The following GALNT2 variants were observed in gnomAD, a reference collection of about 807,000 sequenced individuals.
The protein encoded by GALNT2 is UDP-GalNAc:polypeptide N-acetylgalactosaminyltransferase 2.
A neutral mutation model predicts 81.4 loss-of-function variants in GALNT2; 31 were observed. That is an observed-to-expected ratio of 0.38 (90% confidence interval 0.29 to 0.51). The LOEUF is 0.51. GALNT2 is among the 20% of genes least tolerant of loss of function. The probability of loss-of-function intolerance (pLI) is 0.87; values close to 1 mark genes in which losing one functional copy is unlikely to be tolerated. For missense variants in GALNT2, 629 were observed against 765.7 expected (o/e 0.82, Z 2.11); for synonymous variants, 303 against 287.4 (o/e 1.05, Z -0.55).
intron 2 of GALNT2, among the ~76,000 whole-genome samples, chr1:230,182,195 G>GT (rs1012179176): frequency 8.9e-5 from 5 of 56,396 alleles, no homozygotes; most frequent in East Asian, 3.9e-3. Context: ...TTTTGTTTTT[G>GT]TTTTTTTCTG....
chr1:230,279,923 G>A lies in GALNT2; in HGVS notation c.*465G>A, dbSNP rs756290586. 1.5e-5 allele frequency: 7 copies of A among 456,670 alleles called. No individual in the cohort carries two copies. Among genetic ancestry groups the A allele is most frequent in the African/African-American group, 6.0e-5 (3 of 50,076 alleles). The allele number at this position is 456,670 out of a possible 1,614,324, so 28.3% of individuals were successfully genotyped here. On this transcript the variant is annotated 3_prime_UTR_variant, in exon 16 of 16. Coordinates refer to ENST00000366672, the MANE Select transcript of GALNT2 (RefSeq NM_004481.5). The surrounding 1 kb of genome is among the most constrained non-coding windows in gnomAD (Gnocchi z 4.6). ...CGTATGGTTTCCACAAAGCCGAGTC[G>A]TGTCACGTGGCAGGTTTACGTCAAT...
intron 1 of GALNT2, among the ~76,000 whole-genome samples, chr1:230,087,580 T>G (rs562516817): frequency 7.9e-4 from 121 of 152,324 alleles, no homozygotes; most frequent in South Asian, 3.7e-3. Context: ...CTAGACTGAT[T>G]CAGTCAGAAT....
In GALNT2 at chr1:230,203,137, G is replaced by A; in HGVS notation, c.221G>A (p.Gly74Glu). The change falls in exon 3 of 16, where the codon GGG becomes GAG. Residue 74 changes from glycine (G) to glutamate (E), a missense_variant and splice_region_variant. Gly to Glu is a moderately conservative substitution (Grantham distance 98). This residue lies in a region of GALNT2 where 360 missense variants were observed against 492.8 expected (regional missense o/e 0.73). Coordinates refer to ENST00000366672, the MANE Select transcript of GALNT2 (RefSeq NM_004481.5). ...CTACCCTCTGCTCTGCTCTTTTTAG[G>A]GAAAGTACGGTGGCCAGACTTTAAC... ...KAQSMETLPP[G>E]KVRWPDFNQE... 6.2e-7 allele frequency: 1 copy of A among 1,613,208 alleles called. No homozygotes were observed. The highest frequency in any genetic ancestry group is 8.5e-7 in the Non-Finnish European group (1 of 1,179,284).
chr1:230,191,474 T>A (rs562462183), intron 2 of GALNT2, among the ~76,000 whole-genome samples: 3 of 152,378 alleles, frequency 2.0e-5, no homozygotes, highest in African/African-American at 7.2e-5. Flanking sequence ...TTGAGACTTC[T>A]GTTTCTTTTA....
At position 230,274,573 on chromosome 1, in the gene GALNT2, T is replaced by C; in HGVS notation, c.1560+9T>C. On this transcript the variant is annotated intron_variant, in intron 15 of 15. Transcript: ENST00000366672. ...AAAATGACAGCAGACAGGTACGGCT[T>C]GCAGGCACCCGTGGGTGCCCGTGAT... 6.2e-7 allele frequency: 1 copy of C among 1,613,558 alleles called. No homozygotes were observed. Among genetic ancestry groups the C allele is most frequent in the Non-Finnish European group, 8.5e-7 (1 of 1,179,750 alleles).
In GALNT2 at chr1:230,243,613, T is replaced by C. The variant is rs1404442732; in HGVS notation, c.729+186T>C. 6.6e-6 allele frequency among the ~76,000 whole-genome samples: 1 copy of C among 152,160 alleles called. No individual in the cohort carries two copies. The highest frequency in any genetic ancestry group is 6.5e-5 in the Admixed American group (1 of 15,274). ...CCTTTGGGGCATTGTAGAAAGACTG[T>C]TTTACTGGCTGTAGGAATCCATCAG... is the stretch of plus-strand genomic sequence containing the variant. On this transcript the variant is annotated intron_variant, in intron 7 of 15. Transcript: ENST00000366672. This position sits in a 1 kb window ranked among gnomAD's most constrained non-coding sequence, Gnocchi z 4.2.
At chr1:230,188,689 G>A (rs542265037) in intron 2 of GALNT2, among the ~76,000 whole-genome samples, 196 of 152,232 alleles carry the variant, frequency 1.3e-3, no homozygotes, top group Middle Eastern at 3.4e-3. Flanking sequence ...TACTGTGGAT[G>A]AGTTTTTGCC....
At chr1:230,168,275 C>G (rs1662678172) in intron 1 of GALNT2, among the ~76,000 whole-genome samples, 1 of 152,228 alleles carries the variant, frequency 6.6e-6, no homozygotes, top group Non-Finnish European at 1.5e-5. Flanking sequence ...TCACCAGGAG[C>G]TAAGAGCTGA....
chr1:230,174,323 A>G (rs619899), intron 1 of GALNT2, among the ~76,000 whole-genome samples: 34,361 of 151,954 alleles, frequency 0.23, 4,660 homozygotes, highest in East Asian at 0.38. Flanking sequence ...CCCTGCACTG[A>G]CACCTCACCT....
chr1:230,078,187 T>TA (rs1445946182), intron 1 of GALNT2, among the ~76,000 whole-genome samples: 1 of 152,228 alleles, frequency 6.6e-6, no homozygotes, highest in Non-Finnish European at 1.5e-5. Context: ...CATCTGCAAT[T>TA]AAGGCAATTC....
chr1:230,090,515 T>C (rs548189244), intron 1 of GALNT2, among the ~76,000 whole-genome samples: 1 of 151,170 alleles, frequency 6.6e-6, no homozygotes, highest in East Asian at 1.9e-4. Context: ...ATAACGGTTG[T>C]GTGTGTGGAG....
chr1:230,276,497 A>G (rs1666312240), intron 15 of GALNT2, among the ~76,000 whole-genome samples: 2 of 152,182 alleles, frequency 1.3e-5, no homozygotes, highest in Non-Finnish European at 2.9e-5. Context: ...GAAAAGTCTC[A>G]GAAAGTCATT....
At chr1:230,118,740 C>T (rs371221358) in intron 1 of GALNT2, among the ~76,000 whole-genome samples, 40 of 121,876 alleles carry the variant, frequency 3.3e-4, no homozygotes, top group Non-Finnish European at 2.0e-4. Flanking sequence ...GAGCATCGTC[C>T]GGCCTTCATG....
At chr1:230,163,070 T>C (rs1662484799) in intron 1 of GALNT2, among the ~76,000 whole-genome samples, 1 of 152,234 alleles carries the variant, frequency 6.6e-6, no homozygotes, top group African/African-American at 2.4e-5. Flanking sequence ...AAAGTTCTCC[T>C]TGACCCCTGC....
At position 230,060,176 on chromosome 1, in the gene GALNT2, C is replaced by T. The variant is rs567101584; in HGVS notation, n.89+2098C>T. On this transcript the variant is annotated intron_variant and non_coding_transcript_variant, in intron 1 of 6. Transcript: ENST00000494106. The stretch of plus-strand genomic sequence containing the variant: ...GCCAAAGTGACATTTCTGAAGAATA[C>T]AAACCACTTACTTTACAGAATGTTC... 3.3e-5 allele frequency among the ~76,000 whole-genome samples: 5 copies of T among 152,288 alleles called. No individual in the cohort carries two copies. The South Asian group carries it at 1.0e-3, about 32-fold the overall frequency.
chr1:230,174,208 T>G (rs1662884743), intron 1 of GALNT2, among the ~76,000 whole-genome samples: 1 of 152,170 alleles, frequency 6.6e-6, no homozygotes, highest in South Asian at 2.1e-4. Flanking sequence ...GGCAGAGGCG[T>G]GGCTGGAACC....
rs1056458717 is a variant in GALNT2 at position 230,280,176 on chromosome 1, C to T, written c.*718C>T. 8.3e-6 allele frequency: 3 copies of T among 363,608 alleles called. No individual in the cohort carries two copies. The East Asian group carries it at 2.2e-4, about 27-fold the overall frequency. 22.5% of individuals were successfully genotyped at this position (363,608 alleles called of 1,614,324 possible). ...GCTTCCGGGAGAAGGGGCCAGAGCC[C>T]GGTGGGGCCAGTTTCTCACAGAGGG... On this transcript the variant is annotated 3_prime_UTR_variant, in exon 16 of 16. Coordinates refer to ENST00000366672, the MANE Select transcript of GALNT2 (RefSeq NM_004481.5).
At chr1:230,255,091 G>A in intron 10 of GALNT2, 127 bp from the exon 11 acceptor site, 1 of 1,347,068 alleles carries the variant, frequency 7.4e-7, no homozygotes, top group South Asian at 1.3e-5. Context: ...ATCTCCTTCA[G>A]CAGCAGAGGG....
chr1:230,182,148 G>A lies in GALNT2; in HGVS notation c.220+3837G>A, dbSNP rs1462270542. On this transcript the variant is annotated intron_variant, in intron 2 of 15. Transcript: ENST00000366672. The stretch of plus-strand genomic sequence containing the variant: ...TTCCTTTTCACTTAGTCTGGTTAGA[G>A]ATTCATTGATTTTATTGATATTTTG... Among the ~76,000 whole-genome samples, 3 of 151,010 alleles carry A rather than the reference G, an allele frequency of 2.0e-5. No individual in the cohort carries two copies. The South Asian group carries it at 6.3e-4, about 31-fold the overall frequency.
Sources: gnomAD v4.1 joint callset for allele counts (sites outside exome capture counted in the v4.1 genomes callset) on GRCh38, gnomAD v4.1.1 for gene constraint, gnomAD v4.1.1 regional missense constraint, Gnocchi (gnomAD v3.1) non-coding constraint, MANE v1.5 for transcripts, NCBI Gene and HGNC (gene_info 2026-07-23, HGNC 2026-07-21) for gene names.